GABRG3: variants seen among roughly 807,000 people sequenced by gnomAD.
GABRG3 encodes gamma-aminobutyric acid type A receptor subunit gamma3.
GABRG3 carries 25 observed loss-of-function variants against 48.8 expected under a neutral mutation model. The ratio of observed to expected loss-of-function variants is 0.51; its 90% CI spans 0.37 to 0.72. GABRG3 has a LOEUF of 0.72. Among genes scored for constraint, GABRG3 ranks in the 30% least tolerant of loss-of-function variants. GABRG3 has a pLI of 0.00. For missense variants in GABRG3, 394 were observed against 577.9 expected (o/e 0.68, Z 3.26); for synonymous variants, 227 against 217.6 (o/e 1.04, Z -0.38).
intron 2 of GABRG3, among the ~76,000 whole-genome samples, chr15:27,013,720 G>T: frequency 6.6e-6 from 1 of 151,940 alleles, no homozygotes; most frequent in Non-Finnish European, 1.5e-5. Flanking sequence ...CTGTTCCATT[G>T]GTCTCTATAT....
chr15:27,342,378 T>A (rs1486130874), intron 5 of GABRG3, among the ~76,000 whole-genome samples: 1 of 152,170 alleles, frequency 6.6e-6, no homozygotes, highest in Non-Finnish European at 1.5e-5. Context: ...AAGTGCAGGG[T>A]TCTCTCCACT....
intron 6 of GABRG3, among the ~76,000 whole-genome samples, chr15:27,484,845 G>A (rs1380772192): frequency 1.3e-5 from 2 of 152,172 alleles, no homozygotes; most frequent in South Asian, 4.1e-4. Flanking sequence ...AAATACAGTA[G>A]TATTGGATTA....
chr15:27,076,745 C>T (rs1896917301), intron 3 of GABRG3, among the ~76,000 whole-genome samples: 1 of 152,116 alleles, frequency 6.6e-6, no homozygotes, highest in Non-Finnish European at 1.5e-5. Flanking sequence ...CATGGAGTGA[C>T]ACTGCCACAA....
rs1357098313 is a variant in GABRG3, at chr15:27,259,132, G to A, written c.271-67677G>A. ...TGTATACACCACATTTTCTTTATTCGTCTGTTTGGTCACTTAAGTTGATTC... is the reference window on the plus strand; with the variant it reads ...TGTATACACCACATTTTCTTTATTCATCTGTTTGGTCACTTAAGTTGATTC... On this transcript the variant is annotated intron_variant, in intron 3 of 9. Coordinates refer to ENST00000615808, the MANE Select transcript of GABRG3 (RefSeq NM_033223.5). Among the ~76,000 whole-genome samples the A allele has an allele frequency of 2.6e-5, 4 of 152,134 alleles. No homozygotes were observed. The East Asian group carries it at 5.8e-4, about 22-fold the overall frequency.
intron 3 of GABRG3, among the ~76,000 whole-genome samples, chr15:27,171,632 TC>T (rs1166298772): frequency 6.6e-6 from 1 of 151,822 alleles, no homozygotes; most frequent in Non-Finnish European, 1.5e-5. Context: ...AAAAATATAT[TC>T]CTTTTCTTGC....
chr15:27,306,769 TACA>T lies in GABRG3; in HGVS notation c.271-20038_271-20036del, dbSNP rs1483954703. Among the ~76,000 whole-genome samples the T allele has an allele frequency of 3.7e-4, 41 of 111,462 alleles. 4 individuals carry two copies. The highest frequency in any genetic ancestry group is 1.4e-3 in the African/African-American group (39 of 27,808). The allele number at this position is 111,462 out of a possible 152,430, so 73.1% of individuals were successfully genotyped here. A position where few individuals can be genotyped will look rare whatever the true frequency, so the allele number is the denominator to read the frequency against. On this transcript the variant is annotated intron_variant, in intron 3 of 9. Transcript: ENST00000615808. ...ATATAAACATGTTTATATATAAACA[TACA>T]ATATAAACATGTTTATATATAAACA...
intron 3 of GABRG3, among the ~76,000 whole-genome samples, chr15:27,264,702 T>C (rs1890866503): frequency 6.6e-6 from 1 of 151,308 alleles, no homozygotes; most frequent in Admixed American, 6.6e-5. Flanking sequence ...CACACCTAAG[T>C]CAAAAAACCA....
chr15:27,302,398 A>C (rs943318176), intron 3 of GABRG3, among the ~76,000 whole-genome samples: 1 of 152,064 alleles, frequency 6.6e-6, no homozygotes, highest in Non-Finnish European at 1.5e-5. Flanking sequence ...AGGGACAGTT[A>C]CACTACATAA....
chr15:27,235,652 A>G (rs1197254138), intron 3 of GABRG3, among the ~76,000 whole-genome samples: 2 of 152,164 alleles, frequency 1.3e-5, no homozygotes, highest in Non-Finnish European at 2.9e-5. Flanking sequence ...ATAAGAGAAA[A>G]CAAACAGAAG....
chr15:27,489,000 G>C (rs890222887), intron 6 of GABRG3, among the ~76,000 whole-genome samples: 2 of 152,196 alleles, frequency 1.3e-5, no homozygotes, highest in South Asian at 2.1e-4. Flanking sequence ...AGCTACATTA[G>C]GTATTTCTCC....
chr15:27,387,847 A>G, intron 5 of GABRG3, among the ~76,000 whole-genome samples: 2 of 70,960 alleles, frequency 2.8e-5, no homozygotes, highest in African/African-American at 5.5e-5. Context: ...GAGGAAGGGG[A>G]GGGAAGAGAA....
At chr15:27,159,668 C>T (rs1043183032) in intron 3 of GABRG3, among the ~76,000 whole-genome samples, 6 of 152,096 alleles carry the variant, frequency 3.9e-5, no homozygotes, top group African/African-American at 1.4e-4. Flanking sequence ...TTACACTCTA[C>T]CCATTTTCCC....
intron 7 of GABRG3, among the ~76,000 whole-genome samples, chr15:27,521,127 A>G (rs1043536906): frequency 6.6e-6 from 1 of 152,168 alleles, no homozygotes; most frequent in African/African-American, 2.4e-5. Context: ...TCAAAGTGAT[A>G]TAATATATAA....
At chr15:27,247,480 T>C (rs1396561584) in intron 3 of GABRG3, among the ~76,000 whole-genome samples, 1 of 152,140 alleles carries the variant, frequency 6.6e-6, no homozygotes, top group Non-Finnish European at 1.5e-5. Context: ...AGATGCCATC[T>C]GATGCAGAAC....
intron 2 of GABRG3, among the ~76,000 whole-genome samples, chr15:26,992,191 T>G (rs79008852): frequency 1.3e-5 from 2 of 152,370 alleles, no homozygotes; most frequent in East Asian, 3.9e-4. Flanking sequence ...GATAATTTGA[T>G]GACTTCTTTT....
chr15:27,003,558 G>A (rs906884471), intron 2 of GABRG3, among the ~76,000 whole-genome samples: 1 of 152,212 alleles, frequency 6.6e-6, no homozygotes, highest in Non-Finnish European at 1.5e-5. Context: ...CAGATCAACA[G>A]GATCCCAAGG....
intron 5 of GABRG3, among the ~76,000 whole-genome samples, chr15:27,381,443 C>G (rs1008093347): frequency 6.6e-6 from 1 of 152,218 alleles, no homozygotes; most frequent in Admixed American, 6.5e-5. Flanking sequence ...CAAGACTGGA[C>G]TCCTTGGAGT....
chr15:27,193,435 C>T (rs1595577547), intron 3 of GABRG3, among the ~76,000 whole-genome samples: 2 of 151,902 alleles, frequency 1.3e-5, no homozygotes, highest in South Asian at 4.2e-4. Context: ...GGGCGCCCCT[C>T]CCCCAGCCTC....
At chr15:27,230,814 G>C (rs1416800227) in intron 3 of GABRG3, among the ~76,000 whole-genome samples, 1 of 152,034 alleles carries the variant, frequency 6.6e-6, no homozygotes, top group Non-Finnish European at 1.5e-5. Flanking sequence ...AAAATTAAGT[G>C]TCTAAAAATA....
Sources: gnomAD v4.1 joint callset for allele counts (sites outside exome capture counted in the v4.1 genomes callset) on GRCh38, gnomAD v4.1.1 for gene constraint, MANE v1.5 for transcripts, NCBI Gene and HGNC (gene_info 2026-07-23, HGNC 2026-07-21) for gene names.